MARCHF10: variants seen among roughly 807,000 people sequenced by gnomAD.
MARCHF10 encodes the protein membrane associated ring-CH-type finger 10, also known as probable E3 ubiquitin-protein ligase MARCHF10.
A neutral mutation model predicts 76.2 loss-of-function variants in MARCHF10; 64 were observed. That is an observed-to-expected ratio of 0.84 (90% confidence interval 0.69 to 1.03). The LOEUF (loss-of-function observed/expected upper bound fraction) is 1.03. Ranked by LOEUF, MARCHF10 falls within the 50% of genes least tolerant of loss-of-function variation. The pLI, the probability that MARCHF10 is intolerant of heterozygous loss-of-function variation, is 0.00. For missense variants in MARCHF10, 875 were observed against 958.0 expected, an observed-to-expected ratio of 0.91 and a Z score of 1.14; for synonymous variants, 340 against 357.5, an observed-to-expected ratio of 0.95 and a Z score of 0.55.
intron 3 of MARCHF10, among the ~76,000 whole-genome samples, chr17:62,776,311 A>G (rs2092553894): frequency 2.0e-5 from 3 of 152,216 alleles, no homozygotes; most frequent in Admixed American, 2.0e-4. Flanking sequence ...CTCTGCACCA[A>G]CAATTCACTG....
chr17:62,751,213 A>T (rs1253977355), intron 4 of MARCHF10, among the ~76,000 whole-genome samples: 1 of 152,136 alleles, frequency 6.6e-6, no homozygotes, highest in Non-Finnish European at 1.5e-5. Context: ...CTACCCCCTC[A>T]CGCCTGACAA....
At chr17:62,772,910 C>T (rs1025986638) in intron 3 of MARCHF10, among the ~76,000 whole-genome samples, 4 of 152,090 alleles carry the variant, frequency 2.6e-5, no homozygotes, top group Middle Eastern at 3.2e-3. Context: ...ATTTAATGTG[C>T]TAATAAAGAA....
chr17:62,736,659 CCACGAAAGAGGGCT>C lies in MARCHF10; in HGVS notation c.1195_1208del (p.Ser399GlyfsTer15). On this transcript the variant is annotated frameshift_variant, in exon 6 of 11. Coordinates refer to ENST00000311269, the MANE Select transcript of MARCHF10 (RefSeq NM_152598.4). LOFTEE classifies it high-confidence loss of function. ...CTTGTCTGGGCTCGGATTTGGTGTC[CCACGAAAGAGGGCT>C]CTTTTTCGCATTTTCACTGCCACCT... is the stretch of plus-strand genomic sequence containing the variant. 6.2e-7 allele frequency: 1 copy of C among 1,614,112 alleles called. No individual in the cohort carries two copies. Among genetic ancestry groups the C allele is most frequent in the Non-Finnish European group, 8.5e-7 (1 of 1,180,018 alleles).
Position 62,759,990 on chromosome 17 carries a change from T to A in MARCHF10, c.227A>T (p.Asp76Val). 1 of 1,613,942 alleles carries A rather than the reference T, an allele frequency of 6.2e-7. No homozygotes were observed. The highest frequency in any genetic ancestry group is 1.7e-5 in the Admixed American group (1 of 59,988). ...SSSKQSSSEEDALTEPRSSIK... is the reference protein window; with the variant it reads ...SSSKQSSSEEVALTEPRSSIK... ...AGATGACCTTGGTTCAGTTAGAGCA[T>A]CCTCCTCACTAGAACTCTACCAAAA... Residue 76 changes from aspartate to valine, a missense_variant, in exon 4 of 11, where the codon GAT (aspartate) becomes GTT (valine). Coordinates refer to ENST00000311269, the MANE Select transcript of MARCHF10 (RefSeq NM_152598.4).
intron 3 of MARCHF10, among the ~76,000 whole-genome samples, chr17:62,781,926 CTCAA>C (rs1159362135): frequency 1.3e-5 from 2 of 152,184 alleles, no homozygotes; most frequent in Admixed American, 6.5e-5. Flanking sequence ...ATAACAGCCA[CTCAA>C]TCAGAGAAGG....
intron 7 of MARCHF10, among the ~76,000 whole-genome samples, chr17:62,723,080 T>C (rs549378420): frequency 6.6e-5 from 10 of 151,484 alleles, no homozygotes; most frequent in African/African-American, 1.2e-4. Flanking sequence ...CCAGGTAACA[T>C]TGCCACCTGA....
chr17:62,799,743 T>C (rs1277372052), intron 2 of MARCHF10, among the ~76,000 whole-genome samples: 1 of 147,896 alleles, frequency 6.8e-6, no homozygotes, highest in African/African-American at 2.5e-5. Context: ...CACAACTCTG[T>C]CTCAAAAAAA....
At chr17:62,803,680 CGGCTAATTTTTTATTAGTAGA>C (rs2093116195) in intron 1 of MARCHF10, among the ~76,000 whole-genome samples, 1 of 152,078 alleles carries the variant, frequency 6.6e-6, no homozygotes, top group Admixed American at 6.5e-5. Context: ...CCACCACACC[CGGCTAATTTTTTATTAGTAGA>C]GGCGAGGTTT....
intron 3 of MARCHF10, 90 bp downstream of exon 3, chr17:62,788,390 T>C: frequency 6.5e-7 from 1 of 1,530,760 alleles, no homozygotes; most frequent in Non-Finnish European, 8.9e-7. Context: ...CTTTTTGAGT[T>C]GGCTTTTTCC....
chr17:62,723,711 T>C (rs1431993844), intron 7 of MARCHF10, among the ~76,000 whole-genome samples: 2 of 152,058 alleles, frequency 1.3e-5, no homozygotes, highest in African/African-American at 4.8e-5. Context: ...CACAGGTAAC[T>C]TTTTCTGTGT....
intron 9 of MARCHF10, among the ~76,000 whole-genome samples, chr17:62,709,832 C>T (rs1023750755): frequency 6.6e-6 from 1 of 152,088 alleles, no homozygotes; most frequent in African/African-American, 2.4e-5. Flanking sequence ...CTCACTGCAG[C>T]GTCAGCCTCC....
intron 7 of MARCHF10, among the ~76,000 whole-genome samples, chr17:62,724,379 T>C (rs1285669822): frequency 2.0e-5 from 3 of 152,108 alleles, no homozygotes; most frequent in Non-Finnish European, 4.4e-5. Flanking sequence ...AATCAGCACA[T>C]GGAAATTTCT....
intron 2 of MARCHF10, among the ~76,000 whole-genome samples, chr17:62,797,072 A>G (rs185378720): frequency 1.3e-5 from 2 of 152,364 alleles, no homozygotes; most frequent in East Asian, 3.9e-4. Context: ...AGCTCTGTGC[A>G]GGAAGCATGA....
At chr17:62,733,811 G>T in intron 6 of MARCHF10, among the ~76,000 whole-genome samples, 1 of 152,204 alleles carries the variant, frequency 6.6e-6, no homozygotes, top group East Asian at 1.9e-4. Flanking sequence ...AGAGGAAAAA[G>T]CAAGTCACAG....
chr17:62,804,614 C>A (rs966831114), intron 1 of MARCHF10, among the ~76,000 whole-genome samples: 9 of 152,008 alleles, frequency 5.9e-5, no homozygotes, highest in African/African-American at 2.2e-4. Flanking sequence ...AAATGGGAGG[C>A]AAAGGCGTGG....
At chr17:62,771,822 C>G (rs1035513992) in intron 3 of MARCHF10, among the ~76,000 whole-genome samples, 1 of 152,014 alleles carries the variant, frequency 6.6e-6, no homozygotes. Context: ...ACTGATCTGC[C>G]AGCCTCGGCC....
chr17:62,806,389 T>C (rs1469817637), intron 1 of MARCHF10: 5 of 152,194 alleles, frequency 3.3e-5, no homozygotes, highest in Non-Finnish European at 5.9e-5. Context: ...GCAAGGCGCA[T>C]GTTTCTAAAA....
chr17:62,784,332 G>A (rs1472570581), intron 3 of MARCHF10, among the ~76,000 whole-genome samples: 1 of 152,090 alleles, frequency 6.6e-6, no homozygotes, highest in African/African-American at 2.4e-5. Context: ...AACCCCTCAT[G>A]CTAAAAACTC....
At chr17:62,766,751 T>C (rs116190159) in intron 3 of MARCHF10, among the ~76,000 whole-genome samples, 1,963 of 152,290 alleles carry the variant, frequency 0.013, 41 homozygotes, top group African/African-American at 0.045. Context: ...TCATTAAACA[T>C]GGAAGTCAAT....
Sources: gnomAD v4.1 joint callset for allele counts (sites outside exome capture counted in the v4.1 genomes callset) on GRCh38, gnomAD v4.1.1 for gene constraint, MANE v1.5 for transcripts, NCBI Gene and HGNC (gene_info 2026-07-23, HGNC 2026-07-21) for gene names.